RAET1E: variants seen among roughly 807,000 people sequenced by gnomAD.
The protein encoded by RAET1E is retinoic acid early transcript 1E, also known as NKG2D ligand 4.
RAET1E carries 27 observed loss-of-function variants against 21.1 expected under a neutral mutation model. The observed-to-expected ratio is 1.28, with a 90% CI of 0.94 to 1.76. The LOEUF is 1.76. Ranked by LOEUF, RAET1E falls within the 40% of genes most tolerant of loss-of-function variation. The pLI, the probability that RAET1E is intolerant of heterozygous loss-of-function variation, is 0.00. For missense variants in RAET1E, 310 were observed against 311.3 expected, an observed-to-expected ratio of 1.00 and a Z score of 0.03; for synonymous variants, 113 against 115.0, an observed-to-expected ratio of 0.98 and a Z score of 0.11.
Position 149,884,173 on chromosome 6 carries a change from A to G in RAET1E, c.*4325T>C, listed in dbSNP as rs1462120495. ...GGTAGGATCATAGGTCCACAATCTC[A>G]CGAGCAAAGGCTCACTGCAGCTTCA... On this transcript the variant is annotated 3_prime_UTR_variant, in exon 6 of 6. Coordinates refer to ENST00000357183, the MANE Select transcript of RAET1E (RefSeq NM_001394057.1). The G allele has an allele frequency of 8.7e-6, 3 of 343,628 alleles. No individual in the cohort carries two copies. Among genetic ancestry groups the G allele is most frequent in the Admixed American group, 7.7e-5 (2 of 25,842 alleles). 21.3% of individuals were successfully genotyped at this position (343,628 alleles called of 1,614,324 possible). A position where few individuals can be genotyped will look rare whatever the true frequency, so the allele number is the denominator to read the frequency against.
Position 149,895,841 on chromosome 6 carries a change from C to G in RAET1E, c.-134+5G>C, listed in dbSNP as rs2114599654. On this transcript the variant is annotated splice_donor_5th_base_variant and intron_variant, in intron 2 of 5. Transcript: ENST00000357183. The stretch of plus-strand genomic sequence containing the variant: ...TGGCTGAAACACCAAGCATTTATTT[C>G]TTACCTTCCTGGAAGATGGGAAGTC... The G allele has an allele frequency of 6.6e-6, 1 of 152,366 alleles. No homozygotes were observed. Among genetic ancestry groups the G allele is most frequent in the East Asian group, 1.9e-4 (1 of 5,190 alleles). The allele number at this position is 152,366 out of a possible 1,614,324, so 9.4% of individuals were successfully genotyped here.
intron 2 of RAET1E, among the ~76,000 whole-genome samples, chr6:149,892,570 A>C (rs531271267): frequency 6.6e-6 from 1 of 152,004 alleles, no homozygotes; most frequent in South Asian, 2.1e-4. Context: ...TTTTCTAGTA[A>C]ATTTGTTTAA....
chr6:149,890,191 C>A, intron 3 of RAET1E, 46 bp from the exon 4 acceptor site: 1 of 1,602,590 alleles, frequency 6.2e-7, no homozygotes, highest in Non-Finnish European at 8.5e-7. Flanking sequence ...GGGAAGAGGC[C>A]CATTAGAACC....
In RAET1E at chr6:149,888,669, T is replaced by TAAAAA. The variant is rs3036672; in HGVS notation, c.623-7_623-3dup. The TAAAAA allele has an allele frequency of 0.011, 14,252 of 1,324,146 alleles. 39 individuals carry two copies. Among genetic ancestry groups the TAAAAA allele is most frequent in the Admixed American group, 0.015 (411 of 26,604 alleles). The allele number at this position is 1,324,146 out of a possible 1,614,324, so 82.0% of individuals were successfully genotyped here. ...TATCTGAAGCATTTACTGGTGACAC[T>TAAAAA]AAAAAAAAAAAAAAAAAGAAAAAAA... On this transcript the variant is annotated splice_polypyrimidine_tract_variant and splice_region_variant and intron_variant, in intron 5 of 5. Coordinates refer to ENST00000357183, the MANE Select transcript of RAET1E (RefSeq NM_001394057.1).
Position 149,889,423 on chromosome 6 carries a change from T to G in RAET1E, c.547A>C (p.Lys183Gln). 6.2e-7 allele frequency: 1 copy of G among 1,614,202 alleles called. No homozygotes were observed. ...KDRGLEKYFR[K>Q]LSKGDCDHWL... ...TGATCGCAGTCTCCCTTTGAGAGCT[T>G]CCTGAAATACTTTTCCAGCCCTCTG... is the stretch of plus-strand genomic sequence containing the variant. The change falls in exon 5 of 6, where the codon AAG becomes CAG. Residue 183 changes from lysine (K) to glutamine (Q), a missense_variant. By Grantham distance (53) the Lys-to-Gln change is moderately conservative (BLOSUM62 1). Transcript: ENST00000357183.
chr6:149,890,936 T>A lies in RAET1E; in HGVS notation c.-35A>T. ...AGTAACAGGCAGGAAGCTGGGCGTGTACACATTCACCCTCACTGGTATGGT... is the reference window on the plus strand; with the variant it reads ...AGTAACAGGCAGGAAGCTGGGCGTGAACACATTCACCCTCACTGGTATGGT... On this transcript the variant is annotated 5_prime_UTR_variant, in exon 3 of 6. Coordinates refer to ENST00000357183, the MANE Select transcript of RAET1E (RefSeq NM_001394057.1). The A allele has an allele frequency of 7.0e-7, 1 of 1,424,194 alleles. No individual in the cohort carries two copies. Among genetic ancestry groups the A allele is most frequent in the Non-Finnish European group, 9.9e-7 (1 of 1,009,290 alleles). 88.2% of individuals were successfully genotyped at this position (1,424,194 alleles called of 1,614,324 possible).
rs1777812893 is a variant in RAET1E, at chr6:149,890,032, C to T, written c.199G>A (p.Asp67Asn). The stretch of plus-strand genomic sequence containing the variant: ...CCCAGAGGTTTGACCATGTTGTTGT[C>T]ACTGTTGTACTGAAGGAAAAGATTT... ...NKNLFLQYNS[D>N]NNMVKPLGLL... The change falls in exon 4 of 6, where the codon GAC becomes AAC. Residue 67 changes from aspartate (D) to asparagine (N), a missense_variant. Coordinates refer to ENST00000357183, the MANE Select transcript of RAET1E (RefSeq NM_001394057.1). The T allele has an allele frequency of 6.2e-7, 1 of 1,614,124 alleles. No individual in the cohort carries two copies. Among genetic ancestry groups the T allele is most frequent in the African/African-American group, 1.3e-5 (1 of 74,996 alleles).
rs1321180592 is a variant in RAET1E, at chr6:149,887,445, C to G, written c.*1053G>C. Among the ~76,000 whole-genome samples the G allele has an allele frequency of 6.6e-6, 1 of 152,184 alleles. No homozygotes were observed. The highest frequency in any genetic ancestry group is 1.5e-5 in the Non-Finnish European group (1 of 68,032). On this transcript the variant is annotated 3_prime_UTR_variant, in exon 6 of 6. Coordinates refer to ENST00000357183, the MANE Select transcript of RAET1E (RefSeq NM_001394057.1). ...ATCACACCACCCACCACACGAGCCC[C>G]TTCTGGACCAGTGGCCCTTATCTGA...
At position 149,886,141 on chromosome 6, in the gene RAET1E, C is replaced by A. The variant is rs1331721948; in HGVS notation, c.*2357G>T. ...AGATCAAAAAGTTCAGTGTGGATGCCTCTAGACATTTTCTTATCTGTGTCT... is the reference window on the plus strand; with the variant it reads ...AGATCAAAAAGTTCAGTGTGGATGCATCTAGACATTTTCTTATCTGTGTCT... On this transcript the variant is annotated 3_prime_UTR_variant, in exon 6 of 6. Transcript: ENST00000357183. Among the ~76,000 whole-genome samples the A allele has an allele frequency of 1.3e-5, 2 of 152,158 alleles. No individual in the cohort carries two copies. Among genetic ancestry groups the A allele is most frequent in the African/African-American group, 2.4e-5 (1 of 41,426 alleles).
chr6:149,886,233 C>G lies in RAET1E; in HGVS notation c.*2265G>C, dbSNP rs1777602784. 6.6e-6 allele frequency among the ~76,000 whole-genome samples: 1 copy of G among 152,114 alleles called. No homozygotes were observed. Among genetic ancestry groups the G allele is most frequent in the African/African-American group, 2.4e-5 (1 of 41,420 alleles). ...AAAATACTTTCTAGTTTTCCTTGTA[C>G]TTTTTAATTTGATATATAGTTATTT... On this transcript the variant is annotated 3_prime_UTR_variant, in exon 6 of 6. Coordinates refer to ENST00000357183, the MANE Select transcript of RAET1E (RefSeq NM_001394057.1).
rs1777676476 is a variant in RAET1E at position 149,887,889 on chromosome 6, T to TG, written c.*608dup. 6.6e-6 allele frequency among the ~76,000 whole-genome samples: 1 copy of TG among 152,206 alleles called. No homozygotes were observed. Among genetic ancestry groups the TG allele is most frequent in the South Asian group, 2.1e-4 (1 of 4,830 alleles). On this transcript the variant is annotated 3_prime_UTR_variant, in exon 6 of 6. Coordinates refer to ENST00000357183, the MANE Select transcript of RAET1E (RefSeq NM_001394057.1). ...ACAGGACCAAAGAGCAGAAGATGTC[T>TG]GGCAATGTGTCTGGCATATAATAGT...
chr6:149,890,145 C>A lies in RAET1E; in HGVS notation c.86G>T (p.Gly29Val), dbSNP rs770610155. The change falls in exon 4 of 6, where the codon GGT (glycine) becomes GTT (valine). Residue 29 changes from glycine to valine, a missense_variant and splice_region_variant. Transcript: ENST00000357183. ...LLLIALEIMVGGHSLCFNFTI... is the reference protein window; with the variant it reads ...LLLIALEIMVVGHSLCFNFTI... ...GAAGTTGAAGCAAAGAGAGTGACCA[C>A]CTGTGAGACAAAGATGCAGGTGAGG... 1 of 1,613,776 alleles carries A rather than the reference C, an allele frequency of 6.2e-7. No individual in the cohort carries two copies. Among genetic ancestry groups the A allele is most frequent in the African/African-American group, 1.3e-5 (1 of 74,868 alleles).
chr6:149,890,311 A>T, intron 3 of RAET1E, 166 bp from the exon 4 acceptor site: 1 of 702,646 alleles, frequency 1.4e-6, no homozygotes. Flanking sequence ...TCTCTCCCTG[A>T]CTGTCTGGGA....
chr6:149,897,861 G>T (rs951889291), intron 1 of RAET1E, among the ~76,000 whole-genome samples, 160 bp downstream of exon 1: 1 of 149,840 alleles, frequency 6.7e-6, no homozygotes, highest in African/African-American at 2.5e-5. Flanking sequence ...CAGCGTCCCC[G>T]CCGCCACACC....
intron 4 of RAET1E, 113 bp downstream of exon 4, chr6:149,889,772 A>G (rs1175094424): frequency 2.2e-5 from 33 of 1,488,470 alleles, no homozygotes; most frequent in Non-Finnish European, 2.9e-5. Flanking sequence ...ATGTGCCTCT[A>G]TGGTTGGGCC....
intron 4 of RAET1E, 110 bp downstream of exon 4, chr6:149,889,775 G>T (rs1177803687): frequency 2.0e-6 from 3 of 1,493,402 alleles, no homozygotes; most frequent in Non-Finnish European, 2.7e-6. Context: ...TGCCTCTATG[G>T]TTGGGCCAAT....
rs924989597 is a variant in RAET1E at position 149,887,333 on chromosome 6, G to A, written c.*1165C>T. Reference sequence around the variant, plus strand: ...GTCCTTCTCAGTCACCTTCCACCAGGGATTAAGGTGGGACCCCTTTGCCTG... The same window carrying A: ...GTCCTTCTCAGTCACCTTCCACCAGAGATTAAGGTGGGACCCCTTTGCCTG... On this transcript the variant is annotated 3_prime_UTR_variant, in exon 6 of 6. Transcript: ENST00000357183. Among the ~76,000 whole-genome samples the A allele has an allele frequency of 1.3e-5, 2 of 152,090 alleles. No homozygotes were observed. The highest frequency in any genetic ancestry group is 2.1e-4 in the South Asian group (1 of 4,822).
In RAET1E at chr6:149,895,229, G is replaced by A. The variant is rs1400072618; in HGVS notation, c.-134+617C>T. 2.0e-5 allele frequency among the ~76,000 whole-genome samples: 3 copies of A among 152,226 alleles called. No individual in the cohort carries two copies. The South Asian group carries it at 6.2e-4, about 31-fold the overall frequency. Reference sequence around the variant, plus strand: ...GGGAGGTGTCTCCCAGTCAGTATACGTGGGTGTCAGGCACCCACTTGAGGA... The same window carrying A: ...GGGAGGTGTCTCCCAGTCAGTATACATGGGTGTCAGGCACCCACTTGAGGA... On this transcript the variant is annotated intron_variant, in intron 2 of 5. Transcript: ENST00000357183.
At chr6:149,895,646 A>T (rs1357116388) in intron 2 of RAET1E, 200 bp downstream of exon 2, 1 of 152,204 alleles carries the variant, frequency 6.6e-6, no homozygotes, top group Non-Finnish European at 1.5e-5. Flanking sequence ...GAATTCTGAA[A>T]ATTTTTCTTA....
Sources: gnomAD v4.1 joint callset for allele counts (sites outside exome capture counted in the v4.1 genomes callset) on GRCh38, gnomAD v4.1.1 for gene constraint, MANE v1.5 for transcripts, NCBI Gene and HGNC (gene_info 2026-07-23, HGNC 2026-07-21) for gene names.